Variants in MCTP1 observed in about 807,000 individuals in gnomAD.
MCTP1 encodes the protein multiple C2 and transmembrane domain-containing protein 1.
MCTP1 carries 69 observed loss-of-function variants against 120.6 expected under a neutral mutation model. That is an observed-to-expected ratio of 0.57 (90% CI 0.47 to 0.70). The LOEUF (loss-of-function observed/expected upper bound fraction) is 0.70, where lower values mean the gene tolerates loss of function less well. Ranked by LOEUF, MCTP1 falls within the 30% of genes least tolerant of loss-of-function variation. The pLI is 0.00. For synonymous variants in MCTP1, 529 were observed against 493.1 expected (o/e 1.07, Z -0.96); for missense variants, 1,203 against 1,248.8 (o/e 0.96, Z 0.55).
At chr5:94,956,933 T>C (rs1027333660) in intron 2 of MCTP1, among the ~76,000 whole-genome samples, 2 of 152,040 alleles carry the variant, frequency 1.3e-5, no homozygotes, top group African/African-American at 4.8e-5. Flanking sequence ...AAGATACTCC[T>C]CAAGAAGAGC....
chr5:95,087,717 T>G (rs1398710483), intron 1 of MCTP1, among the ~76,000 whole-genome samples: 1 of 152,146 alleles, frequency 6.6e-6, no homozygotes, highest in Non-Finnish European at 1.5e-5. Context: ...ACTGAAACAC[T>G]GGGGTAGGGT....
chr5:94,919,354 T>A (rs1225615987), intron 7 of MCTP1, among the ~76,000 whole-genome samples: 2 of 152,212 alleles, frequency 1.3e-5, no homozygotes. Flanking sequence ...TATTTTATTT[T>A]TCTCGTTGTG....
chr5:95,055,318 T>G (rs1295510199), intron 1 of MCTP1, among the ~76,000 whole-genome samples: 3 of 152,190 alleles, frequency 2.0e-5, no homozygotes, highest in African/African-American at 7.2e-5. Context: ...ATAGAATATA[T>G]ACAGGCATTT....
intron 1 of MCTP1, among the ~76,000 whole-genome samples, chr5:95,277,995 T>C (rs1242427653): frequency 2.0e-5 from 3 of 151,942 alleles, no homozygotes; most frequent in African/African-American, 7.3e-5. Flanking sequence ...TATTGTAGTA[T>C]GGAATATTGT....
At chr5:94,901,124 G>C (rs1474849905) in intron 10 of MCTP1, among the ~76,000 whole-genome samples, 2 of 152,182 alleles carry the variant, frequency 1.3e-5, no homozygotes, top group African/African-American at 2.4e-5. Context: ...ATAGGAAACA[G>C]GTTTAATTGA....
chr5:94,796,496 G>T (rs1163683614), intron 18 of MCTP1, among the ~76,000 whole-genome samples: 1 of 150,102 alleles, frequency 6.7e-6, no homozygotes, highest in Non-Finnish European at 1.5e-5. Context: ...CGCTATGCAG[G>T]AGAGTCAATG....
chr5:95,024,509 A>G (rs1488485929), intron 1 of MCTP1, among the ~76,000 whole-genome samples: 1 of 152,140 alleles, frequency 6.6e-6, no homozygotes, highest in Non-Finnish European at 1.5e-5. Flanking sequence ...CATCATGCTC[A>G]ACACTGAAAA....
chr5:94,754,581 T>C (rs2152818408), intron 19 of MCTP1, among the ~76,000 whole-genome samples: 1 of 152,290 alleles, frequency 6.6e-6, no homozygotes, highest in African/African-American at 2.4e-5. Flanking sequence ...AAGCCATAGG[T>C]AAAAAGTTAA....
chr5:94,825,192 C>T (rs1484392133), intron 17 of MCTP1, among the ~76,000 whole-genome samples: 3 of 152,170 alleles, frequency 2.0e-5, no homozygotes, highest in African/African-American at 7.2e-5. Flanking sequence ...ATAAATTTCC[C>T]TCTAAACACT....
intron 2 of MCTP1, among the ~76,000 whole-genome samples, chr5:94,992,898 T>C (rs1386772002): frequency 6.6e-6 from 1 of 152,228 alleles, no homozygotes; most frequent in Non-Finnish European, 1.5e-5. Context: ...CTTAAAAACA[T>C]GGTCTTTTCT....
chr5:95,096,576 T>C (rs1387078976), intron 1 of MCTP1, among the ~76,000 whole-genome samples: 3 of 152,122 alleles, frequency 2.0e-5, no homozygotes, highest in African/African-American at 7.2e-5. Context: ...AAAGAGTCGC[T>C]TCAAAATTTG....
intron 1 of MCTP1, among the ~76,000 whole-genome samples, chr5:95,103,180 TA>T (rs768026410): frequency 2.6e-5 from 4 of 151,940 alleles, no homozygotes; most frequent in Non-Finnish European, 5.9e-5. Context: ...TATTTGAATT[TA>T]AAAGCATTTC....
chr5:95,163,315 T>G (rs1278241676), intron 1 of MCTP1, among the ~76,000 whole-genome samples: 1 of 152,194 alleles, frequency 6.6e-6, no homozygotes, highest in African/African-American at 2.4e-5. Flanking sequence ...CCTTTTGGGT[T>G]AGGTAGATAA....
intron 19 of MCTP1, among the ~76,000 whole-genome samples, 168 bp downstream of exon 19, chr5:94,778,942 C>T (rs1776001746): frequency 6.6e-6 from 1 of 152,044 alleles, no homozygotes; most frequent in African/African-American, 2.4e-5. Context: ...GGATTTATAG[C>T]CTTCTCTCCC....
chr5:95,052,234 A>G (rs1337284075), intron 1 of MCTP1, among the ~76,000 whole-genome samples: 1 of 152,182 alleles, frequency 6.6e-6, no homozygotes, highest in South Asian at 2.1e-4. Context: ...GATTAATTCT[A>G]AACAATTTAA....
At chr5:95,192,297 A>C (rs575309205) in intron 1 of MCTP1, among the ~76,000 whole-genome samples, 1 of 152,176 alleles carries the variant, frequency 6.6e-6, no homozygotes, top group African/African-American at 2.4e-5. Context: ...AATACAGTAC[A>C]TTAAGAATTT....
chr5:94,897,984 T>C (rs1804541093), intron 10 of MCTP1, among the ~76,000 whole-genome samples: 1 of 152,208 alleles, frequency 6.6e-6, no homozygotes, highest in Non-Finnish European at 1.5e-5. Context: ...CTGTAAGTTA[T>C]TGTTCTTATA....
At chr5:95,059,109 A>T (rs148440711) in intron 1 of MCTP1, among the ~76,000 whole-genome samples, 95 of 152,294 alleles carry the variant, frequency 6.2e-4, no homozygotes, top group Non-Finnish European at 1.1e-3. Flanking sequence ...CTATAATGAT[A>T]TATGCACTTG....
At chr5:94,896,642 G>A (rs1804060057) in intron 10 of MCTP1, among the ~76,000 whole-genome samples, 1 of 152,096 alleles carries the variant, frequency 6.6e-6, no homozygotes, top group African/African-American at 2.4e-5. Context: ...TATAAATTAG[G>A]CTTTGCAAGC....
Sources: gnomAD v4.1 joint callset for allele counts (sites outside exome capture counted in the v4.1 genomes callset) on GRCh38, gnomAD v4.1.1 for gene constraint, MANE v1.5 for transcripts, NCBI Gene and HGNC (gene_info 2026-07-23, HGNC 2026-07-21) for gene names.